Variants in ASTN2 observed in about 807,000 individuals in gnomAD.
ASTN2 encodes astrotactin 2, also known as astrotactin-2.
ASTN2 carries 54 observed loss-of-function variants against 139.8 expected under a neutral mutation model. The observed-to-expected ratio is 0.39, with a 90% CI of 0.31 to 0.48. ASTN2 has a LOEUF of 0.48. Among genes scored for constraint, ASTN2 ranks in the 20% least tolerant of loss-of-function variants. The probability of loss-of-function intolerance (pLI) is 0.95; values close to 1 mark genes in which losing one functional copy is unlikely to be tolerated. For missense variants in ASTN2, 1,565 were observed against 1,725.1 expected (o/e 0.91, Z 1.64); for synonymous variants, 756 against 719.5 (o/e 1.05, Z -0.81).
At chr9:117,142,788 G>A (rs959359133) in intron 3 of ASTN2, among the ~76,000 whole-genome samples, 3 of 152,188 alleles carry the variant, frequency 2.0e-5, no homozygotes, top group Admixed American at 6.5e-5. Context: ...TTGCTGAATA[G>A]CCTCAGTGCC....
intron 1 of ASTN2, among the ~76,000 whole-genome samples, chr9:117,292,445 G>C (rs928857766): frequency 1.3e-5 from 2 of 152,166 alleles, no homozygotes. Context: ...GTATGTGCCT[G>C]CAAATGTCCT....
chr9:116,622,625 C>T (rs1044486855), intron 17 of ASTN2, among the ~76,000 whole-genome samples: 3 of 152,184 alleles, frequency 2.0e-5, no homozygotes, highest in Admixed American at 2.0e-4. Flanking sequence ...TCTGTGACTC[C>T]CAAGGGCAGG....
At chr9:116,476,339 C>G (rs1848980690) in intron 20 of ASTN2, among the ~76,000 whole-genome samples, 1 of 152,160 alleles carries the variant, frequency 6.6e-6, no homozygotes. Flanking sequence ...AAATAAAGCC[C>G]CATCCCAAGG....
intron 13 of ASTN2, among the ~76,000 whole-genome samples, chr9:116,746,083 CTTTTTTT>C (rs745554164): frequency 8.0e-6 from 1 of 124,264 alleles, no homozygotes; most frequent in Non-Finnish European, 1.7e-5. Flanking sequence ...AAACTGAGTA[CTTTTTTT>C]TTTTTTTTTT....
At chr9:116,733,624 G>A in intron 13 of ASTN2, 101 bp from the exon 14 acceptor site, 1 of 1,483,188 alleles carries the variant, frequency 6.7e-7, no homozygotes, top group Non-Finnish European at 9.2e-7. Flanking sequence ...AAAGACTCAT[G>A]GTGGGGTGAC....
intron 16 of ASTN2, among the ~76,000 whole-genome samples, chr9:116,693,673 A>G (rs1048095065): frequency 6.6e-6 from 1 of 152,206 alleles, no homozygotes; most frequent in African/African-American, 2.4e-5. Context: ...AGGGATCATG[A>G]AGGGAGCCAA....
At chr9:117,018,084 A>T (rs1399150858) in intron 6 of ASTN2, among the ~76,000 whole-genome samples, 2 of 151,906 alleles carry the variant, frequency 1.3e-5, no homozygotes, top group Non-Finnish European at 2.9e-5. Context: ...GTAGGGTGGG[A>T]ATGAGGGACC....
Position 116,976,694 on chromosome 9 carries a change from C to T in ASTN2, c.1676+7G>A. On this transcript the variant is annotated splice_region_variant and intron_variant, in intron 8 of 22. Transcript: ENST00000313400. ...CTGTCCTGGACCTGATGCCCTTTGC[C>T]ACTCACCCTTCACTCTGTCCCCAGT... The T allele has an allele frequency of 6.2e-7, 1 of 1,613,816 alleles. No individual in the cohort carries two copies. Among genetic ancestry groups the T allele is most frequent in the African/African-American group, 1.3e-5 (1 of 75,014 alleles).
intron 13 of ASTN2, among the ~76,000 whole-genome samples, chr9:116,776,864 A>G (rs1410996127): frequency 6.6e-6 from 1 of 152,170 alleles, no homozygotes; most frequent in East Asian, 1.9e-4. Context: ...AAGCATTGGA[A>G]AAATAATGGA....
intron 1 of ASTN2, among the ~76,000 whole-genome samples, chr9:117,348,022 A>C (rs1187402524): frequency 1.3e-5 from 2 of 152,338 alleles, no homozygotes; most frequent in South Asian, 4.1e-4. Context: ...ATTACACTTA[A>C]CTTACATTCT....
intron 2 of ASTN2, among the ~76,000 whole-genome samples, chr9:117,237,410 T>C (rs1833077626): frequency 6.6e-6 from 1 of 152,178 alleles, no homozygotes; most frequent in Admixed American, 6.5e-5. Flanking sequence ...GTTCCAGGAC[T>C]GTGGCTGACT....
At chr9:116,459,306 T>C (rs1392390415) in intron 20 of ASTN2, among the ~76,000 whole-genome samples, 1 of 152,028 alleles carries the variant, frequency 6.6e-6, no homozygotes, top group East Asian at 1.9e-4. Context: ...ACTATAAAAC[T>C]GTAAGAAGAA....
chr9:117,188,524 T>C (rs1400584805), intron 3 of ASTN2, among the ~76,000 whole-genome samples: 1 of 152,120 alleles, frequency 6.6e-6, no homozygotes, highest in African/African-American at 2.4e-5. Flanking sequence ...GGGAGCAAGA[T>C]GCCTGTCTCC....
chr9:117,211,577 G>A (rs1316851213), intron 3 of ASTN2, among the ~76,000 whole-genome samples: 1 of 152,084 alleles, frequency 6.6e-6, no homozygotes, highest in East Asian at 1.9e-4. Context: ...CCCCAACCGT[G>A]CCTCCTGTAT....
At chr9:116,556,679 GCTTT>G (rs1451943481) in intron 19 of ASTN2, among the ~76,000 whole-genome samples, 2 of 152,112 alleles carry the variant, frequency 1.3e-5, no homozygotes, top group East Asian at 3.9e-4. Flanking sequence ...TCTAGCTCTA[GCTTT>G]CTAAGACTTT....
chr9:116,639,066 G>A (rs1226917971), intron 17 of ASTN2, among the ~76,000 whole-genome samples: 4 of 152,200 alleles, frequency 2.6e-5, no homozygotes, highest in South Asian at 2.1e-4. Context: ...ACTAGAAGAT[G>A]ATAGGTACAT....
chr9:116,558,845 C>A (rs1173351929), intron 19 of ASTN2, among the ~76,000 whole-genome samples: 1 of 152,160 alleles, frequency 6.6e-6, no homozygotes, highest in African/African-American at 2.4e-5. Flanking sequence ...TACCCTTCTA[C>A]ACAAGAATGA....
chr9:117,028,467 C>T (rs1435465201), intron 6 of ASTN2, among the ~76,000 whole-genome samples: 2 of 152,182 alleles, frequency 1.3e-5, no homozygotes, highest in Admixed American at 1.3e-4. Context: ...CCATCTTATC[C>T]TTTCCCATGT....
intron 1 of ASTN2, among the ~76,000 whole-genome samples, chr9:117,329,180 C>CTTTTTTTTT (rs749880987): frequency 2.8e-3 from 226 of 81,928 alleles, no homozygotes; most frequent in Non-Finnish European, 3.0e-3. Context: ...CTTCCAAGTT[C>CTTTTTTTTT]TTTTTTTTTT....
Sources: allele counts gnomAD v4.1 joint callset (sites outside exome capture counted in the v4.1 genomes callset), GRCh38; gene constraint gnomAD v4.1.1; transcripts MANE v1.5; gene names NCBI Gene and HGNC (gene_info 2026-07-23, HGNC 2026-07-21).